Variants in KCNH5 observed in about 807,000 individuals in gnomAD.
The protein encoded by KCNH5 is voltage-gated delayed rectifier potassium channel KCNH5.
KCNH5 carries 46 observed loss-of-function variants against 96.1 expected under a neutral mutation model. The observed-to-expected ratio is 0.48, with a 90% confidence interval of 0.38 to 0.61. KCNH5 has a LOEUF of 0.61. Among genes scored for constraint, KCNH5 ranks in the 20% least tolerant of loss-of-function variants. The pLI, the probability that KCNH5 is intolerant of heterozygous loss-of-function variation, is 0.00. For synonymous variants in KCNH5, 439 were observed against 449.8 expected (o/e 0.98, Z 0.30); for missense variants, 907 against 1,225.8 (o/e 0.74, Z 3.88).
chr14:63,004,929 A>G (rs911153050), intron 3 of KCNH5, among the ~76,000 whole-genome samples: 2 of 152,226 alleles, frequency 1.3e-5, no homozygotes, highest in Non-Finnish European at 2.9e-5. Flanking sequence ...GACCTTAGTT[A>G]TATAGAATAT....
At chr14:62,738,395 A>G (rs1885202810) in intron 10 of KCNH5, among the ~76,000 whole-genome samples, 1 of 152,190 alleles carries the variant, frequency 6.6e-6, no homozygotes, top group Admixed American at 6.5e-5. Flanking sequence ...AAGGGAGGAC[A>G]ACCGAATTCG....
intron 7 of KCNH5, among the ~76,000 whole-genome samples, chr14:62,861,536 T>A (rs1401115607): frequency 1.3e-5 from 2 of 152,022 alleles, no homozygotes; most frequent in Non-Finnish European, 2.9e-5. Flanking sequence ...ATTTCACAAA[T>A]TATGTAGCTG....
chr14:62,933,350 C>A (rs1240078158), intron 7 of KCNH5, among the ~76,000 whole-genome samples: 1 of 151,832 alleles, frequency 6.6e-6, no homozygotes, highest in East Asian at 1.9e-4. Context: ...ATAGCATATA[C>A]CTAGTCATAA....
intron 4 of KCNH5, 21 bp downstream of exon 4, chr14:63,001,310 A>G (rs745900518): frequency 8.2e-6 from 13 of 1,589,262 alleles, no homozygotes; most frequent in Admixed American, 1.8e-5. Context: ...TTTTCAGTGT[A>G]GTAATTCTTT....
rs578009212 is a variant in KCNH5 at position 62,950,273 on chromosome 14, T to C, written c.1229A>G (p.Glu410Gly). 6.2e-7 allele frequency: 1 copy of C among 1,614,046 alleles called. No individual in the cohort carries two copies. The highest frequency in any genetic ancestry group is 1.1e-5 in the South Asian group (1 of 91,080). ...CAATGAATCCTTGCTGGGTCCTCCT[T>C]CCCATATCCCAGCACTGGTATTGTA... ...YRYNTSAGIW[E>G]GGPSKDSLYV... The change falls in exon 7 of 11, where the codon GAA becomes GGA. Residue 410 changes from glutamate (E) to glycine (G), a missense_variant. Transcript: ENST00000322893.
intron 6 of KCNH5, among the ~76,000 whole-genome samples, chr14:62,968,003 C>G (rs1202282190): frequency 6.6e-6 from 1 of 152,180 alleles, no homozygotes. Flanking sequence ...CCTTTCCTCT[C>G]AAAGCTAATT....
chr14:62,760,398 G>A (rs1004831151), intron 10 of KCNH5, among the ~76,000 whole-genome samples: 8 of 152,138 alleles, frequency 5.3e-5, no homozygotes, highest in African/African-American at 1.7e-4. Context: ...CCTGATCAGG[G>A]TCCAGTTCTC....
At chr14:62,809,642 T>G (rs1163683227) in intron 8 of KCNH5, among the ~76,000 whole-genome samples, 1 of 152,110 alleles carries the variant, frequency 6.6e-6, no homozygotes, top group African/African-American at 2.4e-5. Flanking sequence ...CAAAGCCAAT[T>G]AAGAAGCTTA....
chr14:62,737,410 C>A (rs1001402384), intron 10 of KCNH5, among the ~76,000 whole-genome samples: 4 of 152,114 alleles, frequency 2.6e-5, no homozygotes, highest in Non-Finnish European at 5.9e-5. Flanking sequence ...AGTCATAATT[C>A]CTGGGTTCTA....
chr14:62,796,437 ACCCCATAACAATTTCAAT>A (rs1287135743), intron 9 of KCNH5, among the ~76,000 whole-genome samples: 1 of 152,130 alleles, frequency 6.6e-6, no homozygotes, highest in Non-Finnish European at 1.5e-5. Flanking sequence ...CTTTTTCCCA[ACCCCATAACAATTTCAAT>A]CCCTCCTTCC....
intron 10 of KCNH5, among the ~76,000 whole-genome samples, chr14:62,721,253 G>A (rs1457114207): frequency 6.6e-6 from 1 of 152,118 alleles, no homozygotes; most frequent in African/African-American, 2.4e-5. Flanking sequence ...CTTCCTGCCT[G>A]TGCAAATTTG....
chr14:62,908,900 G>A (rs1889087827), intron 7 of KCNH5, among the ~76,000 whole-genome samples: 1 of 149,022 alleles, frequency 6.7e-6, no homozygotes, highest in Non-Finnish European at 1.5e-5. Context: ...GTGGTCTGGG[G>A]GATGCTGACT....
chr14:62,840,566 C>CTTTTCTTTCTTTTTTT (rs1887561319), intron 8 of KCNH5, among the ~76,000 whole-genome samples: 9 of 76,400 alleles, frequency 1.2e-4, no homozygotes, highest in African/African-American at 5.2e-4. Context: ...TCTTTTTTTT[C>CTTTTCTTTCTTTTTTT]TTTTTTTTTT....
chr14:62,894,455 G>A (rs1371587957), intron 7 of KCNH5, among the ~76,000 whole-genome samples: 2 of 152,200 alleles, frequency 1.3e-5, no homozygotes, highest in African/African-American at 4.8e-5. Flanking sequence ...CTGCACGTTT[G>A]TAAGTGTGTA....
chr14:62,958,508 T>C (rs921667239), intron 6 of KCNH5, among the ~76,000 whole-genome samples: 1 of 152,194 alleles, frequency 6.6e-6, no homozygotes, highest in Non-Finnish European at 1.5e-5. Flanking sequence ...CATCCTGCTA[T>C]CTGATCATGG....
intron 7 of KCNH5, among the ~76,000 whole-genome samples, chr14:62,872,908 T>C (rs1380719801): frequency 1.3e-5 from 2 of 152,128 alleles, no homozygotes; most frequent in Non-Finnish European, 2.9e-5. Flanking sequence ...CCCAGCACTT[T>C]GGGAGGCCAA....
At chr14:62,992,758 T>C (rs778576228) in intron 4 of KCNH5, among the ~76,000 whole-genome samples, 2 of 152,186 alleles carry the variant, frequency 1.3e-5, no homozygotes, top group Middle Eastern at 3.4e-3. Flanking sequence ...TCTTCCCTTC[T>C]TCAGGTCATC....
chr14:62,890,163 A>C (rs1888676752), intron 7 of KCNH5, among the ~76,000 whole-genome samples: 1 of 152,350 alleles, frequency 6.6e-6, no homozygotes, highest in East Asian at 1.9e-4. Context: ...TCCTGGACGT[A>C]GGAATGGGCA....
intron 1 of KCNH5, among the ~76,000 whole-genome samples, chr14:63,020,450 C>T (rs545507207): frequency 1.5e-4 from 23 of 152,152 alleles, no homozygotes; most frequent in African/African-American, 5.1e-4. Flanking sequence ...GCCATATTTA[C>T]ACAAGGAGTA....
Sources: gnomAD v4.1 joint callset for allele counts (sites outside exome capture counted in the v4.1 genomes callset) on GRCh38, gnomAD v4.1.1 for gene constraint, MANE v1.5 for transcripts, NCBI Gene and HGNC (gene_info 2026-07-23, HGNC 2026-07-21) for gene names.